Variants in PLK4 observed in about 807,000 individuals in gnomAD.
PLK4 encodes the protein serine/threonine-protein kinase PLK4.
PLK4 carries 51 observed loss-of-function variants against 103.0 expected under a neutral mutation model. That is an observed-to-expected ratio of 0.50 (90% CI 0.40 to 0.63). The LOEUF is 0.63. Ranked by LOEUF, PLK4 falls within the 20% of genes least tolerant of loss-of-function variation. The pLI is 0.00. For missense variants in PLK4, 1,054 were observed against 1,151.0 expected, an observed-to-expected ratio of 0.92 and a Z score of 1.22; for synonymous variants, 389 against 376.8, an observed-to-expected ratio of 1.03 and a Z score of -0.38.
Position 127,880,990 on chromosome 4 carries a change from C to G in PLK4, c.-145C>G, listed in dbSNP as rs1041143426. 3 of 865,690 alleles carry G rather than the reference C, an allele frequency of 3.5e-6. No individual in the cohort carries two copies. The highest frequency in any genetic ancestry group is 3.7e-6 in the Non-Finnish European group (2 of 545,846). The allele number at this position is 865,690 out of a possible 1,614,324, so 53.6% of individuals were successfully genotyped here. Reference sequence around the variant, plus strand: ...TCGGAAGGTGTCAGGGAGAACTTTCCGTGGTTTCAGCGTCGTCGCCTGGAG... The same window carrying G: ...TCGGAAGGTGTCAGGGAGAACTTTCGGTGGTTTCAGCGTCGTCGCCTGGAG... On this transcript the variant is annotated 5_prime_UTR_variant, in exon 1 of 16. Transcript: ENST00000270861.
chr4:127,883,624 G>A (rs1735013615), intron 4 of PLK4, 71 bp downstream of exon 4: 2 of 677,510 alleles, frequency 3.0e-6, no homozygotes, highest in South Asian at 1.9e-5. Context: ...GTGTAGTTTT[G>A]AGGAATATGC....
Position 127,890,132 on chromosome 4 carries a change from A to G in PLK4, c.1726A>G (p.Met576Val). 1.9e-6 allele frequency: 3 copies of G among 1,613,962 alleles called. No individual in the cohort carries two copies. The highest frequency in any genetic ancestry group is 2.5e-6 in the Non-Finnish European group (3 of 1,179,800). The change falls in exon 7 of 16, where the codon ATG becomes GTG. Residue 576 changes from methionine to valine, a missense_variant. By Grantham distance (21) the Met-to-Val change is conservative. Transcript: ENST00000270861. Reference sequence around the variant, plus strand: ...TTCTGAACAGAGCAAGACTAGGGGTATGGAGCCACCATGGGGTTATCAGAA... The same window carrying G: ...TTCTGAACAGAGCAAGACTAGGGGTGTGGAGCCACCATGGGGTTATCAGAA... ...PLSEQSKTRG[M>V]EPPWGYQNRT...
At chr4:127,884,653 A>G (rs1343082122) in intron 4 of PLK4, among the ~76,000 whole-genome samples, 1 of 152,120 alleles carries the variant, frequency 6.6e-6, no homozygotes, top group Non-Finnish European at 1.5e-5. Context: ...AAAATGCAAA[A>G]ATTAGCCGGG....
intron 1 of PLK4, chr4:127,881,372 T>G: frequency 7.0e-7 from 1 of 1,432,870 alleles, no homozygotes; most frequent in South Asian, 1.5e-5. Context: ...GCGGGACAGG[T>G]GAGTCCCTCC....
chr4:127,898,226 T>A (rs1735651331), intron 15 of PLK4, among the ~76,000 whole-genome samples: 1 of 152,206 alleles, frequency 6.6e-6, no homozygotes, highest in Admixed American at 6.5e-5. Context: ...TTCCTTCTGT[T>A]ACTTAAATGT....
Position 127,893,792 on chromosome 4 carries a change from A to G in PLK4, c.2473A>G (p.Asn825Asp), listed in dbSNP as rs752410378. The change falls in exon 13 of 16, where the codon AAT (asparagine) becomes GAT (aspartate). Residue 825 changes from asparagine (N) to aspartate (D), a missense_variant. This residue lies in a region of PLK4 where 167 missense variants were observed against 200.7 expected (regional missense o/e 0.83). Coordinates refer to ENST00000270861, the MANE Select transcript of PLK4 (RefSeq NM_014264.5). ...ALSPPPSVDS[N>D]YPTRERASFN... ...ATCACCTCCTCCTTCTGTGGATTCAAATTACCCAACGAGAGAGAGAGCATC... is the reference window on the plus strand; with the variant it reads ...ATCACCTCCTCCTTCTGTGGATTCAGATTACCCAACGAGAGAGAGAGCATC... The G allele has an allele frequency of 3.5e-5, 56 of 1,613,460 alleles. No homozygotes were observed. Among genetic ancestry groups the G allele is most frequent in the Non-Finnish European group, 4.4e-5 (52 of 1,179,546 alleles).
In PLK4 at chr4:127,880,943, G is replaced by T. The variant is rs1167671031; in HGVS notation, c.-192G>T. The T allele has an allele frequency of 3.3e-6, 2 of 612,444 alleles. No individual in the cohort carries two copies. The highest frequency in any genetic ancestry group is 5.7e-6 in the Non-Finnish European group (2 of 349,498). 37.9% of individuals were successfully genotyped at this position (612,444 alleles called of 1,614,324 possible). ...GCGGCGGGAGATTTTCAAAATGGGA[G>T]CCCAGAGGCACCGCCCAGGCCTCGG... On this transcript the variant is annotated 5_prime_UTR_variant, in exon 1 of 16. Coordinates refer to ENST00000270861, the MANE Select transcript of PLK4 (RefSeq NM_014264.5).
At chr4:127,893,911 T>C (rs1206045252) in intron 13 of PLK4, 30 bp downstream of exon 13, 5 of 1,159,840 alleles carry the variant, frequency 4.3e-6, no homozygotes, top group South Asian at 1.3e-5. Flanking sequence ...TTCTGTACTT[T>C]AAACCTTTCA....
chr4:127,894,831 T>TA (rs1247224376), intron 13 of PLK4, 122 bp from the exon 14 acceptor site: 13 of 604,220 alleles, frequency 2.2e-5, no homozygotes, highest in African/African-American at 7.7e-5. Context: ...ATATTTTCGT[T>TA]AAAAAATGTT....
intron 4 of PLK4, among the ~76,000 whole-genome samples, chr4:127,885,088 C>T (rs1252238333): frequency 1.3e-5 from 2 of 152,010 alleles, no homozygotes; most frequent in East Asian, 1.9e-4. Context: ...TAATGACTCT[C>T]AGTTGCTAAA....
In PLK4 at chr4:127,886,061, C is replaced by T; in HGVS notation, c.691C>T (p.Pro231Ser). The part of the protein sequence containing the change: ...NKVVLADYEM[P>S]SFLSIEAKDL... ...AGTAGTATTGGCAGATTATGAAATG[C>T]CATCTTTTTTGTCAATAGAGGCCAA... The change falls in exon 5 of 16, where the codon CCA becomes TCA. Residue 231 changes from proline (P) to serine (S), a missense_variant. Physicochemically the swap from Pro to Ser is moderately conservative, Grantham distance 74. Around this residue, in one of 4 missense-constraint regions of PLK4, gnomAD observed 680 missense variants for 660.3 expected, o/e 1.03. Coordinates refer to ENST00000270861, the MANE Select transcript of PLK4 (RefSeq NM_014264.5). 1 of 1,614,052 alleles carries T rather than the reference C, an allele frequency of 6.2e-7. No individual in the cohort carries two copies.
chr4:127,897,134 T>C (rs530540923), intron 15 of PLK4, among the ~76,000 whole-genome samples: 1 of 152,232 alleles, frequency 6.6e-6, no homozygotes, highest in South Asian at 2.1e-4. Flanking sequence ...CTCTAAGAGG[T>C]TGGGTTCCTT....
chr4:127,885,371 C>G (rs1332788854), intron 4 of PLK4, among the ~76,000 whole-genome samples: 2 of 144,290 alleles, frequency 1.4e-5, no homozygotes, highest in Non-Finnish European at 1.5e-5. Flanking sequence ...CCCAGCTACT[C>G]GGGAGGCTGA....
At chr4:127,882,391 A>T (rs1024400801) in intron 2 of PLK4, among the ~76,000 whole-genome samples, 2 of 152,146 alleles carry the variant, frequency 1.3e-5, no homozygotes, top group African/African-American at 4.8e-5. Flanking sequence ...AGGCTGAGGC[A>T]GGTGGATCAC....
At chr4:127,886,844 C>T (rs1578756365) in intron 5 of PLK4, 116 bp downstream of exon 5, 1 of 616,570 alleles carries the variant, frequency 1.6e-6, no homozygotes, top group Non-Finnish European at 2.7e-6. Flanking sequence ...AAAAAAAAAC[C>T]ACTGTCATGA....
At chr4:127,889,198 T>G (rs943059841) in intron 6 of PLK4, among the ~76,000 whole-genome samples, 1 of 152,146 alleles carries the variant, frequency 6.6e-6, no homozygotes, top group African/African-American at 2.4e-5. Context: ...AATTTTTAGT[T>G]TAGCATTGAA....
chr4:127,881,683 C>T, intron 1 of PLK4, 148 bp from the exon 2 acceptor site: 3 of 630,028 alleles, frequency 4.8e-6, no homozygotes, highest in Non-Finnish European at 2.8e-6. Flanking sequence ...TGCCTTCCAC[C>T]CTAGACACCT....
intron 13 of PLK4, 112 bp from the exon 14 acceptor site, chr4:127,894,841 T>G: frequency 1.5e-6 from 1 of 653,958 alleles, no homozygotes; most frequent in Non-Finnish European, 2.3e-6. Context: ...TAAAAAATGT[T>G]TGTTTTTAAA....
In PLK4 at chr4:127,891,076, T is replaced by G. The variant is rs777388910; in HGVS notation, c.1831-16T>G. On this transcript the variant is annotated splice_polypyrimidine_tract_variant and intron_variant, in intron 7 of 15. Transcript: ENST00000270861. Reference sequence around the variant, plus strand: ...CAAAAGAATTATTACTGATTTTGGGTTTTTTTTTTTTTTAGGTGAGCATAC... The same window carrying G: ...CAAAAGAATTATTACTGATTTTGGGGTTTTTTTTTTTTTAGGTGAGCATAC... 11 of 300,896 alleles carry G rather than the reference T, an allele frequency of 3.7e-5. No homozygotes were observed. Among genetic ancestry groups the G allele is most frequent in the Middle Eastern group, 6.6e-4 (1 of 1,518 alleles). The allele number at this position is 300,896 out of a possible 1,614,324, so 18.6% of individuals were successfully genotyped here.
Sources: allele counts gnomAD v4.1 joint callset (sites outside exome capture counted in the v4.1 genomes callset), GRCh38; gene constraint gnomAD v4.1.1; regional missense constraint gnomAD v4.1.1; transcripts MANE v1.5; gene names NCBI Gene and HGNC (gene_info 2026-07-23, HGNC 2026-07-21).